The following KAZALD1 variants were observed in gnomAD, a reference collection of about 807,000 sequenced individuals.
The protein encoded by KAZALD1 is Kazal type serine peptidase inhibitor domain 1.
In KAZALD1, 31 loss-of-function variants were observed where a neutral mutation model predicts 27.7. That is an observed-to-expected ratio of 1.12 (90% CI 0.84 to 1.51). The LOEUF is 1.51. Ranked by LOEUF, KAZALD1 falls within the 40% of genes most tolerant of loss-of-function variation. The pLI, the probability that KAZALD1 is intolerant of heterozygous loss-of-function variation, is 0.00. For synonymous variants in KAZALD1, 179 were observed against 182.0 expected, an observed-to-expected ratio of 0.98 and a Z score of 0.13; for missense variants, 444 against 408.9, an observed-to-expected ratio of 1.09 and a Z score of -0.74.
Position 101,065,102 on chromosome 10 carries a change from G to C in KAZALD1, c.*182G>C. The C allele has an allele frequency of 1.7e-6, 1 of 596,516 alleles. No individual in the cohort carries two copies. Among genetic ancestry groups the C allele is most frequent in the East Asian group, 2.8e-5 (1 of 35,412 alleles). 37.0% of individuals were successfully genotyped at this position (596,516 alleles called of 1,614,324 possible). ...TGTGGTAGGATAGAGACAAAAGCTG[G>C]AGGAGGGTAGGGAGAGAAGCTGAGA... On this transcript the variant is annotated 3_prime_UTR_variant, in exon 5 of 5. Coordinates refer to ENST00000370200, the MANE Select transcript of KAZALD1 (RefSeq NM_030929.5).
Position 101,062,684 on chromosome 10 carries a change from G to T in KAZALD1, c.92G>T (p.Arg31Met). 6.5e-7 allele frequency: 1 copy of T among 1,543,094 alleles called. No individual in the cohort carries two copies. Among genetic ancestry groups the T allele is most frequent in the Non-Finnish European group, 8.7e-7 (1 of 1,152,544 alleles). The change falls in exon 2 of 5, where the codon AGG (arginine) becomes ATG (methionine). Residue 31 changes from arginine (R) to methionine (M), a missense_variant. Arg to Met is a moderately conservative substitution (Grantham distance 91, BLOSUM62 -1). Coordinates refer to ENST00000370200, the MANE Select transcript of KAZALD1 (RefSeq NM_030929.5). ...CTGACGCCGCCCCCGACCGGCGCAA[G>T]GCCATCCCCAGGCCCAGATTACCTG... Reference protein sequence around the residue: ...VVLTPPPTGARPSPGPDYLRR... With the variant: ...VVLTPPPTGAMPSPGPDYLRR...
At chr10:101,062,370 C>T (rs550357996) in intron 1 of KAZALD1, among the ~76,000 whole-genome samples, 172 bp from the exon 2 acceptor site, 1 of 152,326 alleles carries the variant, frequency 6.6e-6, no homozygotes, top group South Asian at 2.1e-4. Context: ...TTGCTAACTG[C>T]CATAACTGGA....
downstream of KAZALD1, chr10:101,067,939 T>A: frequency 2.1e-6 from 1 of 471,584 alleles, no homozygotes; most frequent in South Asian, 1.5e-5. Flanking sequence ...GGGAAGCGCC[T>A]GGGGAACACC....
chr10:101,067,866 G>C (rs1302574016), downstream of KAZALD1: 1 of 469,232 alleles, frequency 2.1e-6, no homozygotes, highest in South Asian at 1.6e-5. Flanking sequence ...CAGACCTTGG[G>C]GACCGAGGAC....
At position 101,062,407 on chromosome 10, in the gene KAZALD1, T is replaced by G. The variant is rs73336007; in HGVS notation, c.-51-135T>G. ...AATCCCTAGAGGGTCACTAGGCCTG[T>G]GTGTTGGGGGAGGCTACTTGGTAGC... On this transcript the variant is annotated intron_variant, in intron 1 of 4. Transcript: ENST00000370200. 3.2e-3 allele frequency: 2,435 copies of G among 765,376 alleles called. 54 individuals are homozygous for G. In the African/African-American group the frequency reaches 0.04, roughly 13 times the overall value. 47.4% of individuals were successfully genotyped at this position (765,376 alleles called of 1,614,324 possible).
At position 101,064,384 on chromosome 10, in the gene KAZALD1, T is replaced by A; in HGVS notation, c.635T>A (p.Ile212Asn). The A allele has an allele frequency of 6.2e-7, 1 of 1,614,178 alleles. No individual in the cohort carries two copies. Among genetic ancestry groups the A allele is most frequent in the Non-Finnish European group, 8.5e-7 (1 of 1,180,016 alleles). ...SIEWRKDGLD[I>N]QLPGDDPHIS... is the part of the protein sequence containing the mutation. ...GAGTGGAGGAAGGATGGCTTGGACATCCAGCTGCCAGGGGATGACCCCCAC... is the reference window on the plus strand; with the variant it reads ...GAGTGGAGGAAGGATGGCTTGGACAACCAGCTGCCAGGGGATGACCCCCAC... The change falls in exon 3 of 5, where the codon ATC (isoleucine) becomes AAC (asparagine). Residue 212 changes from isoleucine (I) to asparagine (N), a missense_variant. By Grantham distance (149) the Ile-to-Asn change is moderately radical. Transcript: ENST00000370200.
rs1314851388 is a variant in KAZALD1 at position 101,065,011 on chromosome 10, C to T, written c.*91C>T. 4 of 867,294 alleles carry T rather than the reference C, an allele frequency of 4.6e-6. No homozygotes were observed. The African/African-American group carries it at 5.0e-5, about 11-fold the overall frequency. The allele number at this position is 867,294 out of a possible 1,614,324, so 53.7% of individuals were successfully genotyped here. A position where few individuals can be genotyped will look rare whatever the true frequency, so the allele number is the denominator to read the frequency against. ...CCTGGAAAGGGGAGCAGGGTCCCTT[C>T]ATCGACTGCTTTCATGCTGTCAGTA... On this transcript the variant is annotated 3_prime_UTR_variant, in exon 5 of 5. Coordinates refer to ENST00000370200, the MANE Select transcript of KAZALD1 (RefSeq NM_030929.5).
In KAZALD1 at chr10:101,062,715, C is replaced by T. The variant is rs745852094; in HGVS notation, c.123C>T (p.Arg41=). ...CCCCAGGCCCAGATTACCTGCGGCGCGGCTGGATGCGGCTGCTAGCGGAGG... is the reference window on the plus strand; with the variant it reads ...CCCCAGGCCCAGATTACCTGCGGCGTGGCTGGATGCGGCTGCTAGCGGAGG... ...RPSPGPDYLR[R]GWMRLLAEGE... The change falls in exon 2 of 5, where the codon CGC becomes CGT. Residue 41 remains arginine (R), a synonymous_variant. Coordinates refer to ENST00000370200, the MANE Select transcript of KAZALD1 (RefSeq NM_030929.5). 2.6e-6 allele frequency: 4 copies of T among 1,532,172 alleles called. No homozygotes were observed. Among genetic ancestry groups the T allele is most frequent in the Non-Finnish European group, 3.5e-6 (4 of 1,147,972 alleles). 94.9% of individuals were successfully genotyped at this position (1,532,172 alleles called of 1,614,324 possible).
Position 101,062,541 on chromosome 10 carries a change from G to T in KAZALD1, c.-51-1G>T. ...CCTGACCTGGCTTCCCTTCCTGGCA[G>T]GGTGCCCGAACGCGCTGATGCCCCG... On this transcript the variant is annotated splice_acceptor_variant, in intron 1 of 4. Transcript: ENST00000370200. LOFTEE classifies it low-confidence loss of function (5UTR_SPLICE). The T allele has an allele frequency of 6.4e-7, 1 of 1,552,252 alleles. No homozygotes were observed. Among genetic ancestry groups the T allele is most frequent in the Admixed American group, 1.9e-5 (1 of 53,844 alleles).
At chr10:101,064,798 T>G (rs1214073520) in intron 4 of KAZALD1, 28 bp from the exon 5 acceptor site, 1 of 1,611,132 alleles carries the variant, frequency 6.2e-7, no homozygotes, top group South Asian at 1.1e-5. Context: ...TCTCCTGTTC[T>G]CTCTTCTTTG....
rs187629728 is a variant in KAZALD1, at chr10:101,064,766, A to G, written c.821-60A>G. 21 of 1,597,166 alleles carry G rather than the reference A, an allele frequency of 1.3e-5. No homozygotes were observed. In the Admixed American group the frequency reaches 2.0e-4, roughly 15 times the overall value. On this transcript the variant is annotated intron_variant, in intron 4 of 4. Transcript: ENST00000370200. ...AGCATAGCCTTCCGCAGACTGGGCTATGTGGGCACCGACAGCCCCTCTCTC... is the reference window on the plus strand; with the variant it reads ...AGCATAGCCTTCCGCAGACTGGGCTGTGTGGGCACCGACAGCCCCTCTCTC...
rs1208777640 is a variant in KAZALD1, at chr10:101,062,821, G to T, written c.229G>T (p.Gly77Cys). The part of the protein sequence containing the change: ...CLAGRVRDAC[G>C]CCWECANLEG... ...GGCGGGCAGGGTGCGCGACGCGTGC[G>T]GCTGCTGCTGGGAATGCGCCAACCT... The change falls in exon 2 of 5, where the codon GGC becomes TGC. Residue 77 changes from glycine to cysteine, a missense_variant. Transcript: ENST00000370200. 2 of 1,586,382 alleles carry T rather than the reference G, an allele frequency of 1.3e-6. No homozygotes were observed. The highest frequency in any genetic ancestry group is 1.4e-5 in the African/African-American group (1 of 73,184).
In KAZALD1 at chr10:101,065,682, T is replaced by G. The variant is rs942465041; in HGVS notation, c.*762T>G. On this transcript the variant is annotated 3_prime_UTR_variant, in exon 5 of 5. Coordinates refer to ENST00000370200, the MANE Select transcript of KAZALD1 (RefSeq NM_030929.5). ...TCTGGCTTCCAGAAGCTGCAGGGCC[T>G]GCTCTCTAAGCACATGCCTGCCAGA... 2 of 152,338 alleles carry G rather than the reference T, an allele frequency of 1.3e-5. No individual in the cohort carries two copies. The highest frequency in any genetic ancestry group is 4.8e-5 in the African/African-American group (2 of 41,476). The allele number at this position is 152,338 out of a possible 1,614,324, so 9.4% of individuals were successfully genotyped here. A position where few individuals can be genotyped will look rare whatever the true frequency, so the allele number is the denominator to read the frequency against.
chr10:101,065,108 G>T lies in KAZALD1; in HGVS notation c.*188G>T. 3 of 588,888 alleles carry T rather than the reference G, an allele frequency of 5.1e-6. No individual in the cohort carries two copies. The highest frequency in any genetic ancestry group is 9.1e-6 in the Non-Finnish European group (3 of 330,146). The allele number at this position is 588,888 out of a possible 1,614,324, so 36.5% of individuals were successfully genotyped here. ...AGGATAGAGACAAAAGCTGGAGGAG[G>T]GTAGGGAGAGAAGCTGAGACCAGGA... On this transcript the variant is annotated 3_prime_UTR_variant, in exon 5 of 5. Transcript: ENST00000370200.
chr10:101,067,901 G>T (rs1221316269), downstream of KAZALD1: 1 of 470,592 alleles, frequency 2.1e-6, no homozygotes, highest in South Asian at 1.6e-5. Flanking sequence ...GGTGGGGGCT[G>T]GGGGGATGGC....
intron 4 of KAZALD1, 69 bp from the exon 5 acceptor site, chr10:101,064,757 G>C: frequency 6.3e-7 from 1 of 1,597,466 alleles, no homozygotes; most frequent in Non-Finnish European, 8.6e-7. Flanking sequence ...GCCTTCCGCA[G>C]ACTGGGCTAT....
downstream of KAZALD1, chr10:101,067,929 G>A (rs1163175271): frequency 4.2e-6 from 2 of 471,572 alleles, no homozygotes; most frequent in South Asian, 3.1e-5. Flanking sequence ...GTGGCGTGCG[G>A]GGAAGCGCCT....
At position 101,066,444 on chromosome 10, in the gene KAZALD1, AACCC is replaced by A; in HGVS notation, c.*1526_*1529del. The A allele has an allele frequency of 2.2e-6, 1 of 456,632 alleles. No individual in the cohort carries two copies. Among genetic ancestry groups the A allele is most frequent in the African/African-American group, 2.0e-5 (1 of 50,098 alleles). 28.3% of individuals were successfully genotyped at this position (456,632 alleles called of 1,614,324 possible). On this transcript the variant is annotated 3_prime_UTR_variant, in exon 5 of 5. Coordinates refer to ENST00000370200, the MANE Select transcript of KAZALD1 (RefSeq NM_030929.5). ...AAGCCAGCGACAGTTTTTATTGCCG[AACCC>A]AGGCTGGAAGCGGGCGGCCCTAGGA...
In KAZALD1 at chr10:101,062,901, C is replaced by G; in HGVS notation, c.309C>G (p.Gly103=). ...DPSAHFYGHC[G]EQLECRLDTG... ...GTGCTCACTTCTACGGGCACTGCGGCGAGCAGCTTGAGTGCCGGCTGGACA... is the reference window on the plus strand; with the variant it reads ...GTGCTCACTTCTACGGGCACTGCGGGGAGCAGCTTGAGTGCCGGCTGGACA... Residue 103 remains glycine, a synonymous_variant, in exon 2 of 5, where the codon GGC becomes GGG. Transcript: ENST00000370200. 2 of 1,603,314 alleles carry G rather than the reference C, an allele frequency of 1.2e-6. No individual in the cohort carries two copies. The highest frequency in any genetic ancestry group is 1.7e-6 in the Non-Finnish European group (2 of 1,179,682).
Sources: gnomAD v4.1 joint callset for allele counts (sites outside exome capture counted in the v4.1 genomes callset) on GRCh38, gnomAD v4.1.1 for gene constraint, MANE v1.5 for transcripts, NCBI Gene and HGNC (gene_info 2026-07-23, HGNC 2026-07-21) for gene names.